The following FOLH1 variants were observed in gnomAD, a reference collection of about 807,000 sequenced individuals.
FOLH1 encodes the protein glutamate carboxypeptidase 2.
In FOLH1, 54 loss-of-function variants were observed where a neutral mutation model predicts 93.9. The observed-to-expected ratio is 0.57, with a 90% confidence interval of 0.46 to 0.72. The LOEUF (loss-of-function observed/expected upper bound fraction) is 0.72. Among genes scored for constraint, FOLH1 ranks in the 30% least tolerant of loss-of-function variants. The probability of loss-of-function intolerance (pLI) is 0.00; values close to 1 mark genes in which losing one functional copy is unlikely to be tolerated. For missense variants in FOLH1, 571 were observed against 892.5 expected (o/e 0.64, Z 4.59); for synonymous variants, 249 against 303.6 (o/e 0.82, Z 1.87).
At position 49,147,049 on chromosome 11, in the gene FOLH1, G is replaced by C. The variant is rs567624686; in HGVS notation, c.2064-104C>G. The C allele has an allele frequency of 1.2e-5, 13 of 1,113,582 alleles. No individual in the cohort carries two copies. In the East Asian group the frequency reaches 2.3e-4, roughly 20 times the overall value. 69.0% of individuals were successfully genotyped at this position (1,113,582 alleles called of 1,614,324 possible). A position where few individuals can be genotyped will look rare whatever the true frequency, so the allele number is the denominator to read the frequency against. ...GGATTGCATATTCCTATAACAATTT[G>C]AACAAGCCACTTGTCAACTGAACTT... On this transcript the variant is annotated intron_variant, in intron 18 of 18. Transcript: ENST00000256999.
chr11:49,152,993 C>A (rs1167723797), intron 17 of FOLH1, among the ~76,000 whole-genome samples: 1 of 151,914 alleles, frequency 6.6e-6, no homozygotes, highest in Non-Finnish European at 1.5e-5. Flanking sequence ...TTTGCTGTAT[C>A]ATTTATTACT....
chr11:49,200,229 C>G, intron 3 of FOLH1, 26 bp downstream of exon 3: 3 of 1,459,122 alleles, frequency 2.1e-6, no homozygotes, highest in Non-Finnish European at 2.7e-6. Flanking sequence ...GGGAATGTTT[C>G]TTTTATTTAT....
Position 49,156,701 on chromosome 11 carries a change from T to G in FOLH1, c.1623+16A>C, listed in dbSNP as rs551056534. On this transcript the variant is annotated intron_variant, in intron 15 of 18. Transcript: ENST00000256999. ...CATATTCATAAATAATCTTAGATAATTTGAGATTCACTTACCCAATTTTTA... is the reference window on the plus strand; with the variant it reads ...CATATTCATAAATAATCTTAGATAAGTTGAGATTCACTTACCCAATTTTTA... 5.5e-5 allele frequency: 89 copies of G among 1,612,530 alleles called. No individual in the cohort carries two copies. Among genetic ancestry groups the G allele is most frequent in the Non-Finnish European group, 7.2e-5 (85 of 1,178,886 alleles).
chr11:49,183,449 C>T (rs1228530062), intron 6 of FOLH1, among the ~76,000 whole-genome samples: 1 of 152,104 alleles, frequency 6.6e-6, no homozygotes, highest in East Asian at 1.9e-4. Context: ...TATACAATCA[C>T]TTAAGGTAAC....
rs1863864186 is a variant in FOLH1 at position 49,205,869 on chromosome 11, T to C, written c.224+198A>G. The stretch of plus-strand genomic sequence containing the variant: ...TGGTCCTTGTACAGAAAAAGTTTGC[T>C]GACTCCTGCTCTAAACCTCTGTAAT... On this transcript the variant is annotated intron_variant, in intron 2 of 18. Coordinates refer to ENST00000256999, the MANE Select transcript of FOLH1 (RefSeq NM_004476.3). 2.6e-5 allele frequency among the ~76,000 whole-genome samples: 4 copies of C among 152,336 alleles called. No homozygotes were observed. The South Asian group carries it at 8.3e-4, about 32-fold the overall frequency.
chr11:49,202,673 A>G (rs1022652567), intron 2 of FOLH1, among the ~76,000 whole-genome samples: 6 of 152,222 alleles, frequency 3.9e-5, no homozygotes, highest in Non-Finnish European at 8.8e-5. Context: ...TAAAAGAGCT[A>G]CTGTTGTTTC....
intron 17 of FOLH1, among the ~76,000 whole-genome samples, chr11:49,149,778 C>T (rs562578934): frequency 2.0e-5 from 3 of 152,130 alleles, no homozygotes; most frequent in South Asian, 2.1e-4. Context: ...AGATTTATGT[C>T]CATCCTACTT....
intron 17 of FOLH1, among the ~76,000 whole-genome samples, chr11:49,151,114 T>C (rs1856465719): frequency 6.6e-6 from 1 of 152,204 alleles, no homozygotes; most frequent in Non-Finnish European, 1.5e-5. Context: ...AGATTGATAT[T>C]GTTCTTTCAA....
intron 2 of FOLH1, among the ~76,000 whole-genome samples, chr11:49,203,631 T>C (rs1323444682): frequency 6.6e-6 from 1 of 152,238 alleles, no homozygotes; most frequent in African/African-American, 2.4e-5. Flanking sequence ...TGTGTGTTTA[T>C]GCTGAATATC....
At chr11:49,187,405 A>AT (rs538108212) in intron 4 of FOLH1, among the ~76,000 whole-genome samples, 1 of 152,108 alleles carries the variant, frequency 6.6e-6, no homozygotes, top group Non-Finnish European at 1.5e-5. Context: ...AAAATTTAAA[A>AT]TTTTTTATCA....
In FOLH1 at chr11:49,146,586, G is replaced by A. The variant is rs1476225714; in HGVS notation, c.*170C>T. ...TATGAAATTCAGTTTTAATCCATAG[G>A]GAGAAGATAAACAATATAAACACAC... On this transcript the variant is annotated 3_prime_UTR_variant, in exon 19 of 19. Coordinates refer to ENST00000256999, the MANE Select transcript of FOLH1 (RefSeq NM_004476.3). 3.4e-6 allele frequency: 2 copies of A among 581,756 alleles called. No homozygotes were observed. The highest frequency in any genetic ancestry group is 3.9e-5 in the Admixed American group (1 of 25,692). The allele number at this position is 581,756 out of a possible 1,614,324, so 36.0% of individuals were successfully genotyped here. A position where few individuals can be genotyped will look rare whatever the true frequency, so the allele number is the denominator to read the frequency against.
intron 6 of FOLH1, among the ~76,000 whole-genome samples, chr11:49,183,789 T>A (rs1198260565): frequency 6.6e-6 from 1 of 152,050 alleles, no homozygotes; most frequent in East Asian, 1.9e-4. Flanking sequence ...TTCCACTTAC[T>A]TGAAGTTCAA....
intron 17 of FOLH1, among the ~76,000 whole-genome samples, 182 bp from the exon 18 acceptor site, chr11:49,148,913 C>G (rs914530860): frequency 6.6e-6 from 1 of 152,152 alleles, no homozygotes; most frequent in Non-Finnish European, 1.5e-5. Context: ...GAAAAGTCGG[C>G]CCTCCTCCTT....
At position 49,146,094 on chromosome 11, in the gene FOLH1, G is replaced by A. The variant is rs1464712047; in HGVS notation, c.*662C>T. On this transcript the variant is annotated 3_prime_UTR_variant, in exon 19 of 19. Coordinates refer to ENST00000256999, the MANE Select transcript of FOLH1 (RefSeq NM_004476.3). ...AAAGATAAATAAACATAAAATTCAA[G>A]AAAATGCAAAAGCATAACTGTCATT... Among the ~76,000 whole-genome samples the A allele has an allele frequency of 2.6e-5, 4 of 152,024 alleles. No individual in the cohort carries two copies. The highest frequency in any genetic ancestry group is 5.9e-5 in the Non-Finnish European group (4 of 67,986).
chr11:49,197,541 T>C (rs1862750534), intron 3 of FOLH1, among the ~76,000 whole-genome samples: 1 of 152,220 alleles, frequency 6.6e-6, no homozygotes, highest in African/African-American at 2.4e-5. Context: ...GGTGAAACAA[T>C]GTCTCTGTAT....
intron 9 of FOLH1, among the ~76,000 whole-genome samples, chr11:49,173,839 T>C (rs183904502): frequency 1.4e-3 from 220 of 152,288 alleles, no homozygotes; most frequent in Admixed American, 3.8e-3. Context: ...AGTGGCCACA[T>C]AGGAAGTTCT....
chr11:49,186,669 T>A lies in FOLH1; in HGVS notation c.614A>T (p.Tyr205Phe), dbSNP rs1314407861. ...NCSGKIVIAR[Y>F]GKVFRGNKVK... The stretch of plus-strand genomic sequence containing the variant: ...CTTATTTCCTCTGAAAACTTTCCCA[T>A]ATCTGGCAATTACAATTTTCCCAGA... The change falls in exon 5 of 19, where the codon TAT becomes TTT. Residue 205 changes from tyrosine (Y) to phenylalanine (F), a missense_variant. Tyr to Phe is a conservative substitution (Grantham distance 22). Coordinates refer to ENST00000256999, the MANE Select transcript of FOLH1 (RefSeq NM_004476.3). 6.2e-7 allele frequency: 1 copy of A among 1,613,354 alleles called. No homozygotes were observed. Among genetic ancestry groups the A allele is most frequent in the Non-Finnish European group, 8.5e-7 (1 of 1,179,618 alleles).
Position 49,173,361 on chromosome 11 carries a change from C to T in FOLH1, c.1221G>A (p.Lys407=). 1 of 1,608,246 alleles carries T rather than the reference C, an allele frequency of 6.2e-7. No individual in the cohort carries two copies. The highest frequency in any genetic ancestry group is 1.3e-5 in the African/African-American group (1 of 74,804). Residue 407 remains lysine, a synonymous_variant, in exon 10 of 19, where the codon AAG becomes AAA. Transcript: ENST00000256999. ...CTTGCTGTTTGTTTGTATTACCTTCCTTTTTCAGTGTTCCAAAGCTCCTCA... is the reference window on the plus strand; with the variant it reads ...CTTGCTGTTTGTTTGTATTACCTTCTTTTTTCAGTGTTCCAAAGCTCCTCA... ...EIVRSFGTLK[K]EGWRPRRTIL...
At chr11:49,183,098 G>A in intron 7 of FOLH1, 51 bp downstream of exon 7, 1 of 1,494,690 alleles carries the variant, frequency 6.7e-7, no homozygotes, top group Non-Finnish European at 9.1e-7. Context: ...TTTGAAAACT[G>A]TCAATAAGAA....
Sources: allele counts gnomAD v4.1 joint callset (sites outside exome capture counted in the v4.1 genomes callset), GRCh38; gene constraint gnomAD v4.1.1; transcripts MANE v1.5; gene names NCBI Gene and HGNC (gene_info 2026-07-23, HGNC 2026-07-21).